RBFOX1: variants seen among roughly 807,000 people sequenced by gnomAD.
RBFOX1 encodes the protein RNA binding protein fox-1 homolog 1.
RBFOX1 carries 8 observed loss-of-function variants against 57.7 expected under a neutral mutation model. The ratio of observed to expected loss-of-function variants is 0.14; its 90% CI spans 0.08 to 0.25. RBFOX1 has a LOEUF of 0.25. Ranked by LOEUF, RBFOX1 falls within the 10% of genes least tolerant of loss-of-function variation. The pLI is 1.00. For synonymous variants in RBFOX1, 326 were observed against 222.4 expected, an observed-to-expected ratio of 1.47 and a Z score of -4.15; for missense variants, 611 against 548.5, an observed-to-expected ratio of 1.11 and a Z score of -1.14.
At chr16:6,417,338 C>T (rs1227964480) in intron 2 of RBFOX1, among the ~76,000 whole-genome samples, 1 of 150,524 alleles carries the variant, frequency 6.6e-6, no homozygotes, top group Non-Finnish European at 1.5e-5. Context: ...CCCTTTCCAT[C>T]GGCCCTCTCT....
In RBFOX1 at chr16:6,522,320, C is replaced by G. The variant is rs532403598; in HGVS notation, c.-63-132283C>G. On this transcript the variant is annotated intron_variant, in intron 2 of 15. Transcript: ENST00000550418. ...AGTGATGGGAGGGAATGCCATAATT[C>G]CAGAGATGATATTTGTTAAAATATT... Among the ~76,000 whole-genome samples, 5 of 152,074 alleles carry G rather than the reference C, an allele frequency of 3.3e-5. No individual in the cohort carries two copies. The South Asian group carries it at 1.0e-3, about 32-fold the overall frequency.
chr16:7,634,034 C>T (rs2061383225), intron 11 of RBFOX1, among the ~76,000 whole-genome samples: 1 of 152,158 alleles, frequency 6.6e-6, no homozygotes, highest in East Asian at 1.9e-4. Context: ...TCATGGTCAT[C>T]CAGGATTTTT....
At chr16:7,578,526 T>G (rs1054402104) in intron 5 of RBFOX1, among the ~76,000 whole-genome samples, 17 of 152,200 alleles carry the variant, frequency 1.1e-4, no homozygotes, top group African/African-American at 3.9e-4. Flanking sequence ...TATGCCCATG[T>G]TATCTGAGTG....
chr16:5,397,040 A>G (rs2066578978), intron 1 of RBFOX1, among the ~76,000 whole-genome samples: 2 of 152,146 alleles, frequency 1.3e-5, no homozygotes, highest in Admixed American at 1.3e-4. Context: ...ATCCCTACCA[A>G]AGGTCATAAT....
intron 2 of RBFOX1, among the ~76,000 whole-genome samples, chr16:6,568,746 T>G (rs984742203): frequency 5.3e-5 from 8 of 152,144 alleles, no homozygotes; most frequent in African/African-American, 1.9e-4. Flanking sequence ...GTGGAAAGTT[T>G]GATTACCAGT....
intron 2 of RBFOX1, among the ~76,000 whole-genome samples, chr16:5,532,984 T>C (rs1413419568): frequency 6.6e-6 from 1 of 152,154 alleles, no homozygotes; most frequent in Non-Finnish European, 1.5e-5. Context: ...CTAGAGCATA[T>C]AAAATAAATT....
At chr16:7,642,840 C>T (rs939283126) in intron 11 of RBFOX1, among the ~76,000 whole-genome samples, 1 of 152,154 alleles carries the variant, frequency 6.6e-6, no homozygotes, top group Admixed American at 6.5e-5. Context: ...ACAGAAAGCA[C>T]CTTTGCAAAT....
chr16:6,673,189 G>A (rs2098778548), intron 3 of RBFOX1, among the ~76,000 whole-genome samples: 1 of 152,124 alleles, frequency 6.6e-6, no homozygotes, highest in South Asian at 2.1e-4. Context: ...TGGTCTCCAT[G>A]CTCCTTCCAG....
chr16:5,968,624 A>G (rs2059899349), intron 4 of RBFOX1, among the ~76,000 whole-genome samples: 1 of 150,584 alleles, frequency 6.6e-6, no homozygotes, highest in South Asian at 2.1e-4. Context: ...ATGCCTGAAG[A>G]TTTTTTTTTT....
chr16:6,780,365 AT>A (rs1567216390), intron 3 of RBFOX1, among the ~76,000 whole-genome samples: 9 of 102,786 alleles, frequency 8.8e-5, no homozygotes, highest in African/African-American at 3.9e-4. Flanking sequence ...TTATATACAT[AT>A]TTATAGATAT....
chr16:6,563,818 C>T (rs2097217387), intron 2 of RBFOX1, among the ~76,000 whole-genome samples: 1 of 150,686 alleles, frequency 6.6e-6, no homozygotes, highest in Non-Finnish European at 1.5e-5. Flanking sequence ...ACAGTGGGAT[C>T]CTGTCTCCAA....
chr16:6,691,899 A>C (rs966110287), intron 3 of RBFOX1, among the ~76,000 whole-genome samples: 1 of 152,170 alleles, frequency 6.6e-6, no homozygotes, highest in Non-Finnish European at 1.5e-5. Flanking sequence ...GAAAGATGCT[A>C]CTTTTCTGGT....
chr16:7,683,016 A>G lies in RBFOX1; in HGVS notation c.995+6178A>G, dbSNP rs577164245. ...CTTCTATGTGTGTGTGTGTGTATAT[A>G]TATATATATATATATATAAAACAGT... On this transcript the variant is annotated intron_variant, in intron 14 of 15. Transcript: ENST00000550418. Among the ~76,000 whole-genome samples the G allele has an allele frequency of 6.6e-5, 5 of 76,284 alleles. 1 individual carries two copies. In the East Asian group the frequency reaches 1.4e-3, roughly 22 times the overall value. The allele number at this position is 76,284 out of a possible 152,430, so 50.0% of individuals were successfully genotyped here.
rs138671716 is a variant in RBFOX1, at chr16:7,420,593, T to A, written c.28-97554T>A. ...TATTTATTATTTGTATCTTTTTTTT[T>A]CTTTCCCTTTCTGATGATTTTTTTT... On this transcript the variant is annotated intron_variant, in intron 4 of 15. Coordinates refer to ENST00000550418, the MANE Select transcript of RBFOX1 (RefSeq NM_018723.4). Among the ~76,000 whole-genome samples the A allele has an allele frequency of 7.2e-5, 11 of 152,204 alleles. No homozygotes were observed. In the South Asian group the frequency reaches 1.9e-3, roughly 26 times the overall value.
intron 3 of RBFOX1, among the ~76,000 whole-genome samples, chr16:5,837,322 G>T (rs573017917): frequency 6.6e-6 from 1 of 151,882 alleles, no homozygotes; most frequent in South Asian, 2.1e-4. Context: ...AGCCCCAAGG[G>T]TCCTAGAATA....
At chr16:7,030,037 G>C (rs1002760877) in intron 3 of RBFOX1, among the ~76,000 whole-genome samples, 4 of 152,038 alleles carry the variant, frequency 2.6e-5, no homozygotes, top group Admixed American at 2.0e-4. Flanking sequence ...GTGGAGGATG[G>C]TGGGATAGAT....
chr16:6,020,490 C>G (rs1321069112), intron 1 of RBFOX1, among the ~76,000 whole-genome samples: 1 of 152,116 alleles, frequency 6.6e-6, no homozygotes, highest in Non-Finnish European at 1.5e-5. Flanking sequence ...AGAAGGCTCA[C>G]TTATGTGGAG....
intron 1 of RBFOX1, among the ~76,000 whole-genome samples, chr16:6,132,051 A>G (rs1024902997): frequency 1.3e-5 from 2 of 152,214 alleles, no homozygotes; most frequent in Non-Finnish European, 2.9e-5. Context: ...TATTTTGCCA[A>G]ATAGAAGCTT....
chr16:7,344,446 C>T (rs2096955948), intron 4 of RBFOX1, among the ~76,000 whole-genome samples: 1 of 149,510 alleles, frequency 6.7e-6, no homozygotes, highest in Non-Finnish European at 1.5e-5. Context: ...TTATGTAACA[C>T]ATAGTTATAA....
Sources: gnomAD v4.1 joint callset for allele counts (sites outside exome capture counted in the v4.1 genomes callset) on GRCh38, gnomAD v4.1.1 for gene constraint, MANE v1.5 for transcripts, NCBI Gene and HGNC (gene_info 2026-07-23, HGNC 2026-07-21) for gene names.